PTPN3: variants seen among roughly 807,000 people sequenced by gnomAD.
The protein encoded by PTPN3 is tyrosine-protein phosphatase non-receptor type 3.
In PTPN3, 96 loss-of-function variants were observed where a neutral mutation model predicts 132.7. The ratio of observed to expected loss-of-function variants is 0.72; its 90% confidence interval spans 0.61 to 0.86. PTPN3 has a LOEUF of 0.86. Ranked by LOEUF, PTPN3 falls within the 40% of genes least tolerant of loss-of-function variation. The pLI is 0.00. For synonymous variants in PTPN3, 398 were observed against 429.0 expected, an observed-to-expected ratio of 0.93 and a Z score of 0.89; for missense variants, 1,125 against 1,159.6, an observed-to-expected ratio of 0.97 and a Z score of 0.43.
chr9:109,475,461 T>C (rs1211662158), intron 1 of PTPN3, among the ~76,000 whole-genome samples: 2 of 152,030 alleles, frequency 1.3e-5, no homozygotes, highest in Admixed American at 1.3e-4. Flanking sequence ...AAATAGACAA[T>C]GGAATATGTT....
At chr9:109,380,452 C>T (rs998745717) in intron 25 of PTPN3, among the ~76,000 whole-genome samples, 1 of 152,188 alleles carries the variant, frequency 6.6e-6, no homozygotes, top group African/African-American at 2.4e-5. Context: ...GACGGGGTTT[C>T]ACTATGTTAG....
At chr9:109,500,212 CA>C, upstream of PTPN3, among the ~76,000 whole-genome samples, 1 of 152,234 alleles carries the variant, frequency 6.6e-6, no homozygotes, top group South Asian at 2.1e-4. Context: ...CTACCAAAAT[CA>C]GCCGTCATCC....
chr9:109,471,750 C>T (rs897765367), intron 1 of PTPN3, among the ~76,000 whole-genome samples: 3 of 152,048 alleles, frequency 2.0e-5, no homozygotes, highest in African/African-American at 7.3e-5. Flanking sequence ...AGCAATCCTC[C>T]TGCCTCAGGC....
chr9:109,418,120 C>T (rs1034153517), intron 14 of PTPN3, among the ~76,000 whole-genome samples: 44 of 152,278 alleles, frequency 2.9e-4, no homozygotes, highest in African/African-American at 9.9e-4. Flanking sequence ...ATGTAGGGCA[C>T]GTACTGTTCC....
At chr9:109,464,377 G>A (rs1845993513) in intron 1 of PTPN3, among the ~76,000 whole-genome samples, 2 of 152,192 alleles carry the variant, frequency 1.3e-5, no homozygotes, top group Non-Finnish European at 2.9e-5. Flanking sequence ...ACAAAGAAGG[G>A]AGCAATAGCT....
Position 109,433,059 on chromosome 9 carries a change from C to T in PTPN3, c.764+14G>A, listed in dbSNP as rs762581319. Reference sequence around the variant, plus strand: ...AGCATGATTCAGAAAATAATGAGAACTGTTTGCACTTACCAAGGATAGAAA... The same window carrying T: ...AGCATGATTCAGAAAATAATGAGAATTGTTTGCACTTACCAAGGATAGAAA... On this transcript the variant is annotated intron_variant, in intron 10 of 25. Coordinates refer to ENST00000374541, the MANE Select transcript of PTPN3 (RefSeq NM_002829.4). 6.2e-7 allele frequency: 1 copy of T among 1,613,518 alleles called. No homozygotes were observed. The highest frequency in any genetic ancestry group is 8.5e-7 in the Non-Finnish European group (1 of 1,179,728).
rs35189837 is a variant in PTPN3 at position 109,470,531 on chromosome 9, C to CAA, written c.-17-7082_-17-7081dup. On this transcript the variant is annotated intron_variant, in intron 1 of 25. Coordinates refer to ENST00000374541, the MANE Select transcript of PTPN3 (RefSeq NM_002829.4). ...TTTACTAGTGAGACCATCATATCTA[C>CAA]AAAAAAAAAAAAAAATTAGCTGCAT... 1.4e-3 allele frequency among the ~76,000 whole-genome samples: 187 copies of CAA among 138,042 alleles called. 1 individual carries two copies. The highest frequency in any genetic ancestry group is 2.9e-3 in the African/African-American group (111 of 38,008). The allele number at this position is 138,042 out of a possible 152,430, so 90.6% of individuals were successfully genotyped here.
intron 1 of PTPN3, among the ~76,000 whole-genome samples, chr9:109,484,996 AGGTG>A (rs1847142962): frequency 1.3e-5 from 2 of 152,048 alleles, no homozygotes; most frequent in African/African-American, 4.8e-5. Flanking sequence ...TTGGAGGCCA[AGGTG>A]GGTGGATTAC....
At chr9:109,399,746 C>T (rs1054789326) in intron 19 of PTPN3, among the ~76,000 whole-genome samples, 9 of 151,822 alleles carry the variant, frequency 5.9e-5, no homozygotes, top group African/African-American at 1.5e-4. Flanking sequence ...GCAGGTCTTT[C>T]GTGCCATGGA....
intron 10 of PTPN3, among the ~76,000 whole-genome samples, chr9:109,431,110 C>T (rs1843632058): frequency 6.6e-6 from 1 of 152,242 alleles, no homozygotes; most frequent in Admixed American, 6.5e-5. Flanking sequence ...AGGCAGGGGC[C>T]AGGCCTCGAC....
rs545853964 is a variant in PTPN3 at position 109,410,305 on chromosome 9, T to C, written c.1424A>G (p.Gln475Arg). The stretch of plus-strand genomic sequence containing the variant: ...CCTGTGGAAGTCATCTAAGAGCTGC[T>C]GATCAACGCCGTCAGGTGAGCAGGA... ...PGSCSPDGVD[Q>R]QLLDDFHRVT... Residue 475 changes from glutamine to arginine, a missense_variant, in exon 15 of 26, where the codon CAG (glutamine) becomes CGG (arginine). Physicochemically the swap from Gln to Arg is conservative, Grantham distance 43. Transcript: ENST00000374541. 5 of 1,614,160 alleles carry C rather than the reference T, an allele frequency of 3.1e-6. No individual in the cohort carries two copies. The highest frequency in any genetic ancestry group is 2.2e-5 in the East Asian group (1 of 44,882).
At chr9:109,392,604 C>CA (rs1840220303) in intron 19 of PTPN3, 1 of 151,588 alleles carries the variant, frequency 6.6e-6, no homozygotes, top group South Asian at 2.1e-4. Context: ...CATACTGGCA[C>CA]TTTTTTTTTC....
intron 7 of PTPN3, among the ~76,000 whole-genome samples, chr9:109,442,585 A>G (rs1844565617): frequency 6.6e-6 from 1 of 152,230 alleles, no homozygotes; most frequent in Non-Finnish European, 1.5e-5. Flanking sequence ...CTGCGATAGA[A>G]TTCTTTATTT....
chr9:109,382,224 C>G (rs2131586748), intron 24 of PTPN3, 78 bp downstream of exon 24: 6 of 1,503,714 alleles, frequency 4.0e-6, no homozygotes, highest in Middle Eastern at 1.9e-4. Flanking sequence ...TAGGGTGGGT[C>G]TGGCGCCTGC....
chr9:109,485,554 A>C (rs1361053525), intron 1 of PTPN3, among the ~76,000 whole-genome samples: 1 of 152,172 alleles, frequency 6.6e-6, no homozygotes, highest in Non-Finnish European at 1.5e-5. Context: ...AAAAATAAAA[A>C]GAGTCATATA....
chr9:109,483,899 A>C (rs1847083664), intron 1 of PTPN3, among the ~76,000 whole-genome samples: 2 of 152,200 alleles, frequency 1.3e-5, no homozygotes, highest in South Asian at 4.1e-4. Flanking sequence ...CTCAAAGTGC[A>C]GTCTCTGGAC....
rs750278885 is a variant in PTPN3, at chr9:109,449,609, C to T, written c.369-754G>A. ...CGGCAGCATTGCGCAGGTCAGGAAG[C>T]GCCCTGGGGAGACTTCTATTTAGGG... On this transcript the variant is annotated intron_variant, in intron 5 of 25. Coordinates refer to ENST00000374541, the MANE Select transcript of PTPN3 (RefSeq NM_002829.4). The T allele has an allele frequency of 9.4e-5, 93 of 985,264 alleles. 1 individual carries two copies. In the Admixed American group the frequency reaches 3.0e-3, roughly 31 times the overall value. The allele number at this position is 985,264 out of a possible 1,614,324, so 61.0% of individuals were successfully genotyped here.
At chr9:109,391,351 A>G in intron 20 of PTPN3, 120 bp downstream of exon 20, 1 of 1,291,984 alleles carries the variant, frequency 7.7e-7, no homozygotes, top group South Asian at 1.4e-5. Flanking sequence ...TGGCTGCAAT[A>G]AAGACGGTGG....
In PTPN3 at chr9:109,376,562, A is replaced by AG. The variant is rs1372802735; in HGVS notation, c.*2993dup. On this transcript the variant is annotated 3_prime_UTR_variant, in exon 26 of 26. Coordinates refer to ENST00000374541, the MANE Select transcript of PTPN3 (RefSeq NM_002829.4). The stretch of plus-strand genomic sequence containing the variant: ...GCAGGTTCTAGAGGGTGACACCAGC[A>AG]GGGATCTCTCATCTTGATTAAATTG... The AG allele has an allele frequency of 1.3e-5, 2 of 152,202 alleles. No homozygotes were observed. Among genetic ancestry groups the AG allele is most frequent in the Non-Finnish European group, 2.9e-5 (2 of 68,028 alleles). 9.4% of individuals were successfully genotyped at this position (152,202 alleles called of 1,614,324 possible). A position where few individuals can be genotyped will look rare whatever the true frequency, so the allele number is the denominator to read the frequency against.
Sources: gnomAD v4.1 joint callset for allele counts (sites outside exome capture counted in the v4.1 genomes callset) on GRCh38, gnomAD v4.1.1 for gene constraint, MANE v1.5 for transcripts, NCBI Gene and HGNC (gene_info 2026-07-23, HGNC 2026-07-21) for gene names.